Variants in CYRIB observed in about 807,000 individuals in gnomAD.
CYRIB encodes the protein CYFIP related Rac1 interactor B.
In CYRIB, 8 loss-of-function variants were observed where a neutral mutation model predicts 44.2. That is an observed-to-expected ratio of 0.18 (90% confidence interval 0.11 to 0.33). The LOEUF is 0.33. Among genes scored for constraint, CYRIB ranks in the 10% least tolerant of loss-of-function variants. The pLI is 1.00. For missense variants in CYRIB, 185 were observed against 382.8 expected (o/e 0.48, Z 4.31); for synonymous variants, 131 against 127.2 (o/e 1.03, Z -0.20).
intron 2 of CYRIB, among the ~76,000 whole-genome samples, chr8:129,885,405 CTT>C (rs2062343266): frequency 6.6e-6 from 1 of 152,186 alleles, no homozygotes; most frequent in Non-Finnish European, 1.5e-5. Context: ...TCACATCCAG[CTT>C]ATAAACGTAT....
At chr8:129,939,276 A>T (rs1284668068) in intron 1 of CYRIB, among the ~76,000 whole-genome samples, 1 of 144,766 alleles carries the variant, frequency 6.9e-6, no homozygotes, top group Non-Finnish European at 1.5e-5. Flanking sequence ...GGAAGGGACG[A>T]GCCAACGAGC....
At chr8:129,982,651 G>A (rs971121300) in intron 1 of CYRIB, among the ~76,000 whole-genome samples, 3 of 152,150 alleles carry the variant, frequency 2.0e-5, no homozygotes, top group Admixed American at 1.3e-4. Flanking sequence ...TGAAATGACT[G>A]GCCAATAGCA....
intron 1 of CYRIB, among the ~76,000 whole-genome samples, chr8:129,936,954 GC>G (rs1249660434): frequency 6.6e-6 from 1 of 151,950 alleles, no homozygotes; most frequent in Non-Finnish European, 1.5e-5. Context: ...TGATCCGCCC[GC>G]CTCGGCCTCC....
rs538354449 is a variant in CYRIB, at chr8:129,967,034, T to A, written c.-243+3909A>T. On this transcript the variant is annotated intron_variant, in intron 2 of 14. Transcript: ENST00000401979. ...TTAAAAATTATCCATGAGTGTTTTT[T>A]AAAAAATTAGTGCAGTGGCCCATAA... Among the ~76,000 whole-genome samples, 90 of 152,244 alleles carry A rather than the reference T, an allele frequency of 5.9e-4. 2 individuals carry two copies. In the South Asian group the frequency reaches 6.0e-3, roughly 10 times the overall value.
At chr8:129,865,470 G>C (rs906631161) in intron 4 of CYRIB, among the ~76,000 whole-genome samples, 13 of 152,186 alleles carry the variant, frequency 8.5e-5, no homozygotes, top group African/African-American at 3.1e-4. Flanking sequence ...GTGATCATAC[G>C]TAGAAAAACA....
intron 2 of CYRIB, among the ~76,000 whole-genome samples, chr8:129,952,143 T>G (rs1226973745): frequency 6.6e-6 from 1 of 152,248 alleles, no homozygotes. Flanking sequence ...CCTCCCAGGT[T>G]CAAGCGATTC....
chr8:129,901,681 AC>A (rs2135700025), intron 2 of CYRIB: 1 of 152,354 alleles, frequency 6.6e-6, no homozygotes, highest in African/African-American at 2.4e-5. Context: ...TAACCTCTAT[AC>A]AAAAATTAAC....
chr8:129,900,198 T>TA (rs200434525), intron 2 of CYRIB, among the ~76,000 whole-genome samples: 27 of 148,136 alleles, frequency 1.8e-4, no homozygotes, highest in South Asian at 8.5e-4. Flanking sequence ...AGCAAATGAG[T>TA]AAAAAAAAAA....
intron 1 of CYRIB, among the ~76,000 whole-genome samples, chr8:129,920,531 A>T (rs1246429112): frequency 6.6e-6 from 1 of 152,164 alleles, no homozygotes; most frequent in Non-Finnish European, 1.5e-5. Context: ...AATGATTTTT[A>T]ACAGATAGTC....
intron 1 of CYRIB, among the ~76,000 whole-genome samples, chr8:129,990,243 T>C (rs1564661734): frequency 6.6e-6 from 1 of 152,210 alleles, no homozygotes; most frequent in African/African-American, 2.4e-5. Context: ...ATGCATGTTT[T>C]ATACATACAA....
chr8:129,970,650 G>C (rs1469385899), intron 2 of CYRIB: 1 of 152,170 alleles, frequency 6.6e-6, no homozygotes, highest in Non-Finnish European at 1.5e-5. Flanking sequence ...GCCTCCCAAA[G>C]TGTTGGGATT....
intron 2 of CYRIB, among the ~76,000 whole-genome samples, chr8:129,889,192 C>T (rs906000463): frequency 6.6e-6 from 1 of 152,216 alleles, no homozygotes; most frequent in Non-Finnish European, 1.5e-5. Flanking sequence ...GACAGCATAT[C>T]TGTTTACAGC....
upstream of CYRIB, among the ~76,000 whole-genome samples, chr8:129,940,248 TC>T: frequency 6.6e-6 from 1 of 151,440 alleles, no homozygotes; most frequent in South Asian, 2.1e-4. Flanking sequence ...GTTGCCATAT[TC>T]CCCCCACGCC....
At chr8:129,981,781 T>C (rs1393210543) in intron 1 of CYRIB, among the ~76,000 whole-genome samples, 2 of 152,186 alleles carry the variant, frequency 1.3e-5, no homozygotes, top group East Asian at 1.9e-4. Flanking sequence ...CTTCCTCCCA[T>C]TTCCAAAGCC....
At chr8:129,907,434 C>T (rs1204110547) in intron 1 of CYRIB, among the ~76,000 whole-genome samples, 2 of 150,292 alleles carry the variant, frequency 1.3e-5, no homozygotes, top group Admixed American at 6.6e-5. Flanking sequence ...CATCATACAC[C>T]GGTGCCTGTT....
chr8:129,917,805 C>G (rs917280187), intron 1 of CYRIB, among the ~76,000 whole-genome samples: 2 of 152,000 alleles, frequency 1.3e-5, no homozygotes, highest in East Asian at 3.9e-4. Flanking sequence ...TGCAGTGAGC[C>G]GAGATCGCAC....
intron 1 of CYRIB, among the ~76,000 whole-genome samples, chr8:129,937,260 C>T (rs2092980770): frequency 6.6e-6 from 1 of 152,126 alleles, no homozygotes; most frequent in African/African-American, 2.4e-5. Context: ...AAGCTATTTC[C>T]AACTATTATA....
chr8:129,950,842 C>G (rs1259655749), intron 2 of CYRIB, among the ~76,000 whole-genome samples: 1 of 152,130 alleles, frequency 6.6e-6, no homozygotes, highest in African/African-American at 2.4e-5. Flanking sequence ...CTGAAAGAAC[C>G]ATCTTTAGAA....
chr8:129,894,572 G>A (rs943589074), intron 2 of CYRIB: 1 of 152,224 alleles, frequency 6.6e-6, no homozygotes, highest in South Asian at 2.1e-4. Context: ...GAACTGGAGG[G>A]TGAGAAGACA....
Sources: allele counts gnomAD v4.1 joint callset (sites outside exome capture counted in the v4.1 genomes callset), GRCh38; gene constraint gnomAD v4.1.1; transcripts MANE v1.5; gene names NCBI Gene and HGNC (gene_info 2026-07-23, HGNC 2026-07-21).